The following CNTLN variants were observed in gnomAD, a reference collection of about 807,000 sequenced individuals.
CNTLN encodes centlein, centrosomal protein.
CNTLN carries 212 observed loss-of-function variants against 180.0 expected under a neutral mutation model. That is an observed-to-expected ratio of 1.18 (90% CI 1.05 to 1.32). CNTLN has a LOEUF of 1.32. Ranked by LOEUF, CNTLN falls within the 40% of genes most tolerant of loss-of-function variation. CNTLN has a pLI of 0.00. For missense variants in CNTLN, 2,095 were observed against 1,610.9 expected (o/e 1.30, Z -5.14); for synonymous variants, 722 against 563.1 (o/e 1.28, Z -3.99).
chr9:17,416,699 A>G (rs1297329849), intron 18 of CNTLN, among the ~76,000 whole-genome samples: 1 of 152,170 alleles, frequency 6.6e-6, no homozygotes, highest in Admixed American at 6.5e-5. Flanking sequence ...TACTCAGGCA[A>G]ATAGTCAACA....
chr9:17,298,935 C>A lies in CNTLN; in HGVS notation c.1146+583C>A, dbSNP rs1042285461. Reference sequence around the variant, plus strand: ...ACTGACTCAGCAGCAATAATTTAATCTACTAATTAAAAAAAATACCTTTAT... The same window carrying A: ...ACTGACTCAGCAGCAATAATTTAATATACTAATTAAAAAAAATACCTTTAT... On this transcript the variant is annotated intron_variant, in intron 7 of 25. Coordinates refer to ENST00000380647, the MANE Select transcript of CNTLN (RefSeq NM_017738.4). 6 of 985,010 alleles carry A rather than the reference C, an allele frequency of 6.1e-6. No individual in the cohort carries two copies. In the African/African-American group the frequency reaches 1.0e-4, roughly 17 times the overall value. 61.0% of individuals were successfully genotyped at this position (985,010 alleles called of 1,614,324 possible).
rs562022659 is a variant in CNTLN at position 17,160,010 on chromosome 9, T to C, written c.449+16634T>C. Among the ~76,000 whole-genome samples the C allele has an allele frequency of 8.9e-4, 136 of 152,250 alleles. 1 individual carries two copies. Among genetic ancestry groups the C allele is most frequent in the Non-Finnish European group, 1.5e-3 (104 of 68,006 alleles). ...AATTTGTTATACTTCAATAGATAAA[T>C]ACTGGATCAAAAGATACAATGGCAA... On this transcript the variant is annotated intron_variant, in intron 2 of 25. Transcript: ENST00000380647.
At chr9:17,301,476 T>A in intron 7 of CNTLN, 1 of 985,412 alleles carries the variant, frequency 1.0e-6, no homozygotes, top group Non-Finnish European at 1.2e-6. Context: ...GTGTTTAGTC[T>A]GTTTTTTGTC....
chr9:17,472,761 C>T (rs1832100583), intron 23 of CNTLN, among the ~76,000 whole-genome samples: 1 of 152,150 alleles, frequency 6.6e-6, no homozygotes, highest in African/African-American at 2.4e-5. Context: ...AGAAACACTA[C>T]CCTTGGCCTT....
chr9:17,379,128 A>T (rs981020573), intron 13 of CNTLN, among the ~76,000 whole-genome samples: 1 of 151,498 alleles, frequency 6.6e-6, no homozygotes, highest in African/African-American at 2.4e-5. Flanking sequence ...TTCTGCTGTC[A>T]TTCTTACTTT....
chr9:17,520,043 G>C, the CNTLN span, among the ~76,000 whole-genome samples: 1 of 152,186 alleles, frequency 6.6e-6, no homozygotes, highest in Non-Finnish European at 1.5e-5. Context: ...TATCAGGAAA[G>C]ATGCCTCACA....
chr9:17,281,963 C>CT (rs35486436), intron 6 of CNTLN, among the ~76,000 whole-genome samples: 44,203 of 151,254 alleles, frequency 0.29, 6,481 homozygotes, highest in South Asian at 0.42. Context: ...TGTTCCTTGA[C>CT]TTTTTTTTTG....
intron 5 of CNTLN, among the ~76,000 whole-genome samples, chr9:17,245,769 A>C (rs1361496824): frequency 6.6e-6 from 1 of 151,708 alleles, no homozygotes; most frequent in Non-Finnish European, 1.5e-5. Flanking sequence ...GTGTATTTTC[A>C]AACAACCCGT....
At chr9:17,444,544 A>G (rs941429204) in intron 18 of CNTLN, among the ~76,000 whole-genome samples, 2 of 152,160 alleles carry the variant, frequency 1.3e-5, no homozygotes, top group Non-Finnish European at 2.9e-5. Flanking sequence ...GCCCCAACAA[A>G]TTTCCAAAAT....
chr9:17,408,931 G>A (rs1587916299), intron 15 of CNTLN, among the ~76,000 whole-genome samples: 1 of 152,276 alleles, frequency 6.6e-6, no homozygotes, highest in East Asian at 1.9e-4. Context: ...TGTTTCAGGT[G>A]AAGGAAAAAC....
At chr9:17,351,886 C>T (rs1822395760) in intron 12 of CNTLN, among the ~76,000 whole-genome samples, 1 of 152,078 alleles carries the variant, frequency 6.6e-6, no homozygotes, top group Admixed American at 6.5e-5. Flanking sequence ...CAGCTCCCCC[C>T]TTTTATTTTT....
chr9:17,398,156 T>G (rs1826680392), intron 15 of CNTLN, among the ~76,000 whole-genome samples: 1 of 152,052 alleles, frequency 6.6e-6, no homozygotes, highest in Non-Finnish European at 1.5e-5. Context: ...CAGGAGGAGG[T>G]GTTTATATCT....
chr9:17,209,881 A>G lies in CNTLN; in HGVS notation c.450-16322A>G, dbSNP rs563580247. Reference sequence around the variant, plus strand: ...TGATATTCACCTTAGGGAAAATACTATGATTTTACAGAAGATAATCTAAAC... The same window carrying G: ...TGATATTCACCTTAGGGAAAATACTGTGATTTTACAGAAGATAATCTAAAC... On this transcript the variant is annotated intron_variant, in intron 2 of 25. Coordinates refer to ENST00000380647, the MANE Select transcript of CNTLN (RefSeq NM_017738.4). Among the ~76,000 whole-genome samples, 7 of 152,286 alleles carry G rather than the reference A, an allele frequency of 4.6e-5. No individual in the cohort carries two copies. In the South Asian group the frequency reaches 1.4e-3, roughly 32 times the overall value.
At chr9:17,162,091 T>G (rs1035987779) in intron 2 of CNTLN, among the ~76,000 whole-genome samples, 1 of 152,156 alleles carries the variant, frequency 6.6e-6, no homozygotes, top group Non-Finnish European at 1.5e-5. Flanking sequence ...CTGAGAAAGC[T>G]TTGATACTTG....
intron 6 of CNTLN, among the ~76,000 whole-genome samples, chr9:17,294,825 A>T (rs1474102540): frequency 8.6e-5 from 1 of 11,628 alleles, no homozygotes; most frequent in Non-Finnish European, 1.3e-4. Context: ...CGAAGGGGGG[A>T]GGGCGGGGAG....
chr9:17,314,524 G>A (rs1252590252), intron 8 of CNTLN, among the ~76,000 whole-genome samples: 2 of 152,160 alleles, frequency 1.3e-5, no homozygotes, highest in Non-Finnish European at 2.9e-5. Flanking sequence ...CTTAGTGCAT[G>A]AACAGTTCAT....
chr9:17,396,762 TC>T (rs1348653759), intron 15 of CNTLN, among the ~76,000 whole-genome samples: 1 of 152,128 alleles, frequency 6.6e-6, no homozygotes, highest in Non-Finnish European at 1.5e-5. Context: ...TTTTCAAGTT[TC>T]CCTGTTGAAT....
At chr9:17,483,908 G>A (rs544353650) in intron 23 of CNTLN, among the ~76,000 whole-genome samples, 1 of 152,120 alleles carries the variant, frequency 6.6e-6, no homozygotes, top group African/African-American at 2.4e-5. Flanking sequence ...GAATTATGCA[G>A]CTAACCTGTT....
chr9:17,325,374 ATGTATGTGTGTGTG>A (rs1440739317), intron 8 of CNTLN, among the ~76,000 whole-genome samples: 3,859 of 110,630 alleles, frequency 0.035, 55 homozygotes, highest in Non-Finnish European at 0.047. Flanking sequence ...GTGCATGTGT[ATGTATGTGTGTGTG>A]TGTGTGTGTG....
Sources: allele counts gnomAD v4.1 joint callset (sites outside exome capture counted in the v4.1 genomes callset), GRCh38; gene constraint gnomAD v4.1.1; transcripts MANE v1.5; gene names NCBI Gene and HGNC (gene_info 2026-07-23, HGNC 2026-07-21).